N4BP1: variants seen among roughly 807,000 people sequenced by gnomAD.
N4BP1 encodes NEDD4 binding protein 1, also known as NEDD4-binding protein 1.
N4BP1 carries 21 observed loss-of-function variants against 70.9 expected under a neutral mutation model. That is an observed-to-expected ratio of 0.30 (90% confidence interval 0.21 to 0.43). The LOEUF is 0.43. N4BP1 is among the 20% of genes least tolerant of loss of function. The probability of loss-of-function intolerance (pLI) is 1.00; values close to 1 mark genes in which losing one functional copy is unlikely to be tolerated. For synonymous variants in N4BP1, 387 were observed against 394.6 expected (o/e 0.98, Z 0.23); for missense variants, 936 against 1,069.4 (o/e 0.88, Z 1.74).
Position 48,560,807 on chromosome 16 carries a change from T to C in N4BP1, c.1836A>G (p.Pro612=), listed in dbSNP as rs1319382177. The C allele has an allele frequency of 6.2e-7, 1 of 1,613,718 alleles. No homozygotes were observed. Among genetic ancestry groups the C allele is most frequent in the Non-Finnish European group, 8.5e-7 (1 of 1,179,774 alleles). ...CAATGTGTTTCAAATCCGTTCTCCC[T>C]GGTTCATTTTTTAATTCCAGCTTGT... ...IPYKLELKNE[P]GRTDLKHIVI... The change falls in exon 2 of 7, where the codon CCA becomes CCG. Residue 612 remains proline, a synonymous_variant. Transcript: ENST00000262384.
chr16:48,605,654 T>C (rs1964568571), intron 1 of N4BP1, among the ~76,000 whole-genome samples: 1 of 152,172 alleles, frequency 6.6e-6, no homozygotes, highest in African/African-American at 2.4e-5. Flanking sequence ...GCATAAAAGT[T>C]ACTCAACCCT....
chr16:48,560,610 G>A (rs753327717), intron 2 of N4BP1, 144 bp downstream of exon 2: 133 of 1,071,264 alleles, frequency 1.2e-4, no homozygotes, highest in Non-Finnish European at 1.7e-4. Flanking sequence ...CAACCAGTTG[G>A]TTCCCATTCC....
chr16:48,540,094 A>C lies in N4BP1; in HGVS notation c.*2810T>G, dbSNP rs1478307334. ...AGATAAGTGGAAACACTGGGGAGGAAGGTGATGAACAGACGGAGGTGAGCC... is the reference window on the plus strand; with the variant it reads ...AGATAAGTGGAAACACTGGGGAGGACGGTGATGAACAGACGGAGGTGAGCC... On this transcript the variant is annotated 3_prime_UTR_variant, in exon 7 of 7. Coordinates refer to ENST00000262384, the MANE Select transcript of N4BP1 (RefSeq NM_153029.4). The C allele has an allele frequency of 6.6e-6, 1 of 152,408 alleles. No individual in the cohort carries two copies. The highest frequency in any genetic ancestry group is 1.5e-5 in the Non-Finnish European group (1 of 68,130). The allele number at this position is 152,408 out of a possible 1,614,324, so 9.4% of individuals were successfully genotyped here.
chr16:48,607,801 T>A (rs539325121), intron 1 of N4BP1, among the ~76,000 whole-genome samples: 10 of 152,340 alleles, frequency 6.6e-5, no homozygotes, highest in Admixed American at 5.2e-4. Flanking sequence ...TCCAACTGAC[T>A]AAAAAAGTTA....
chr16:48,585,799 A>T (rs1964238071), intron 1 of N4BP1, among the ~76,000 whole-genome samples: 1 of 151,976 alleles, frequency 6.6e-6, no homozygotes, highest in Non-Finnish European at 1.5e-5. Flanking sequence ...GGGTTCAAGC[A>T]ATTATCCTGC....
chr16:48,603,298 G>A (rs1471311219), intron 1 of N4BP1, among the ~76,000 whole-genome samples: 1 of 151,800 alleles, frequency 6.6e-6, no homozygotes, highest in African/African-American at 2.4e-5. Context: ...AGACTGAGTA[G>A]TCCTTCCCAG....
At chr16:48,544,535 C>G (rs1444465544) in intron 6 of N4BP1, among the ~76,000 whole-genome samples, 8 of 152,176 alleles carry the variant, frequency 5.3e-5, no homozygotes, top group Non-Finnish European at 1.2e-4. Flanking sequence ...AAACATCAGT[C>G]ATGGGGTCAT....
At chr16:48,599,631 G>A (rs1964467754) in intron 1 of N4BP1, among the ~76,000 whole-genome samples, 1 of 152,122 alleles carries the variant, frequency 6.6e-6, no homozygotes, top group South Asian at 2.1e-4. Context: ...TCACTTTTTA[G>A]GAATTATAAT....
At chr16:48,555,037 C>T (rs1268258487) in intron 2 of N4BP1, among the ~76,000 whole-genome samples, 1 of 152,180 alleles carries the variant, frequency 6.6e-6, no homozygotes, top group Admixed American at 6.5e-5. Context: ...GGTCTCTGAG[C>T]CTTTCCTTAT....
intron 4 of N4BP1, among the ~76,000 whole-genome samples, chr16:48,549,892 A>T (rs1172520057): frequency 6.6e-6 from 1 of 152,232 alleles, no homozygotes; most frequent in Non-Finnish European, 1.5e-5. Context: ...CGAAAACACC[A>T]GGGTTGTTGT....
chr16:48,554,501 T>C (rs1963723302), intron 2 of N4BP1, among the ~76,000 whole-genome samples: 1 of 152,142 alleles, frequency 6.6e-6, no homozygotes, highest in Admixed American at 6.5e-5. Flanking sequence ...TAATTAAACG[T>C]GGAGATAAAA....
At chr16:48,574,824 TTAAG>T (rs1964068829) in intron 1 of N4BP1, among the ~76,000 whole-genome samples, 1 of 152,080 alleles carries the variant, frequency 6.6e-6, no homozygotes, top group Non-Finnish European at 1.5e-5. Context: ...GGTTACAAAA[TTAAG>T]TAAGAGTCAG....
At chr16:48,582,989 G>C (rs1964195566) in intron 1 of N4BP1, among the ~76,000 whole-genome samples, 1 of 152,164 alleles carries the variant, frequency 6.6e-6, no homozygotes, top group Non-Finnish European at 1.5e-5. Flanking sequence ...AGGAAGCTGA[G>C]GTGGGGGAAC....
At chr16:48,564,999 G>A (rs1264797388) in intron 1 of N4BP1, among the ~76,000 whole-genome samples, 1 of 152,094 alleles carries the variant, frequency 6.6e-6, no homozygotes, top group Non-Finnish European at 1.5e-5. Context: ...ATTGATTTCT[G>A]TATGTTAATC....
At chr16:48,555,741 T>G (rs1235014217) in intron 2 of N4BP1, among the ~76,000 whole-genome samples, 1 of 152,204 alleles carries the variant, frequency 6.6e-6, no homozygotes, top group Non-Finnish European at 1.5e-5. Flanking sequence ...AGCAGGGACA[T>G]GCCCAGAGTT....
At chr16:48,589,064 G>T (rs1158856370) in intron 1 of N4BP1, among the ~76,000 whole-genome samples, 2 of 152,106 alleles carry the variant, frequency 1.3e-5, no homozygotes, top group Non-Finnish European at 2.9e-5. Flanking sequence ...ATAACTTGTA[G>T]ATTTTTGTCC....
chr16:48,605,028 G>A (rs1051221415), intron 1 of N4BP1, among the ~76,000 whole-genome samples: 4 of 151,988 alleles, frequency 2.6e-5, no homozygotes, highest in African/African-American at 9.7e-5. Context: ...TCTAAAAGAA[G>A]GGTTCTTTTT....
At chr16:48,592,896 C>A (rs1016408476) in intron 1 of N4BP1, among the ~76,000 whole-genome samples, 7 of 151,720 alleles carry the variant, frequency 4.6e-5, no homozygotes, top group African/African-American at 1.7e-4. Flanking sequence ...ATATTTTATA[C>A]AAAAGAATCT....
Position 48,561,920 on chromosome 16 carries a change from C to T in N4BP1, c.723G>A (p.Gly241=), listed in dbSNP as rs754256153. ...VLQEEARNKA[G]TPVSELTKQM... ...GTTTTGTAAGCTCAGAAACAGGAGT[C>T]CCAGCTTTATTTCTTGCCTCTTCCT... The change falls in exon 2 of 7, where the codon GGG becomes GGA. Residue 241 remains glycine (G), a synonymous_variant. Transcript: ENST00000262384. 6.8e-6 allele frequency: 11 copies of T among 1,613,896 alleles called. No homozygotes were observed. The highest frequency in any genetic ancestry group is 9.3e-6 in the Non-Finnish European group (11 of 1,179,878).
Sources: allele counts gnomAD v4.1 joint callset (sites outside exome capture counted in the v4.1 genomes callset), GRCh38; gene constraint gnomAD v4.1.1; transcripts MANE v1.5; gene names NCBI Gene and HGNC (gene_info 2026-07-23, HGNC 2026-07-21).